PHLPP1: variants seen among roughly 807,000 people sequenced by gnomAD.
PHLPP1 encodes PH domain and leucine rich repeat protein phosphatase 1, also known as PH domain leucine-rich repeat-containing protein phosphatase 1.
Under a neutral mutation model 117.2 loss-of-function variants are expected in PHLPP1, and 42 were observed. The observed-to-expected ratio is 0.36, with a 90% CI of 0.28 to 0.46. The LOEUF (loss-of-function observed/expected upper bound fraction) is 0.46. Ranked by LOEUF, PHLPP1 falls within the 20% of genes least tolerant of loss-of-function variation. PHLPP1 has a pLI of 1.00. For synonymous variants in PHLPP1, 1,042 were observed against 970.7 expected (o/e 1.07, Z -1.37); for missense variants, 2,084 against 2,241.9 (o/e 0.93, Z 1.42).
chr18:62,827,415 G>A (rs1914639837), intron 1 of PHLPP1, among the ~76,000 whole-genome samples: 1 of 152,174 alleles, frequency 6.6e-6, no homozygotes, highest in Admixed American at 6.5e-5. Flanking sequence ...TTTGAGAATT[G>A]GCAGGAAGAG....
At chr18:62,777,947 C>T (rs1447411063) in intron 1 of PHLPP1, among the ~76,000 whole-genome samples, 1 of 152,140 alleles carries the variant, frequency 6.6e-6, no homozygotes, top group Non-Finnish European at 1.5e-5. Context: ...CGTGTTACTA[C>T]CCTGCTGAAA....
At chr18:62,784,520 C>G (rs1913219546) in intron 1 of PHLPP1, among the ~76,000 whole-genome samples, 1 of 152,146 alleles carries the variant, frequency 6.6e-6, no homozygotes, top group Non-Finnish European at 1.5e-5. Flanking sequence ...TAAGTTTGTT[C>G]CAGTGAAGGC....
chr18:62,952,631 T>A (rs1910495924), intron 12 of PHLPP1, among the ~76,000 whole-genome samples: 2 of 152,170 alleles, frequency 1.3e-5, no homozygotes, highest in Admixed American at 1.3e-4. Flanking sequence ...TATATACAAA[T>A]ATGATTTTTT....
intron 10 of PHLPP1, among the ~76,000 whole-genome samples, chr18:62,929,680 G>A (rs553892682): frequency 6.6e-6 from 1 of 152,330 alleles, no homozygotes; most frequent in Admixed American, 6.5e-5. Flanking sequence ...GGGAGTGGTG[G>A]CTCATGCGTG....
chr18:62,945,889 T>C (rs1352977650), intron 12 of PHLPP1, among the ~76,000 whole-genome samples: 2 of 152,260 alleles, frequency 1.3e-5, no homozygotes, highest in Admixed American at 1.3e-4. Context: ...AGAGGTAGTC[T>C]GCAAATCCTG....
intron 12 of PHLPP1, among the ~76,000 whole-genome samples, chr18:62,946,855 C>A (rs1012560741): frequency 6.6e-6 from 1 of 152,010 alleles, no homozygotes; most frequent in African/African-American, 2.4e-5. Context: ...AGATCGAGAC[C>A]ATCCTGGCTA....
At chr18:62,923,788 C>G (rs1909544663) in intron 10 of PHLPP1, among the ~76,000 whole-genome samples, 1 of 152,028 alleles carries the variant, frequency 6.6e-6, no homozygotes, top group Non-Finnish European at 1.5e-5. Flanking sequence ...AATGAATAAA[C>G]TAGTACTGAC....
intron 1 of PHLPP1, among the ~76,000 whole-genome samples, chr18:62,785,971 A>G (rs1409885663): frequency 1.3e-5 from 2 of 152,168 alleles, no homozygotes; most frequent in Non-Finnish European, 2.9e-5. Flanking sequence ...TCCTAAATAT[A>G]TCTCTTATCA....
intron 3 of PHLPP1, among the ~76,000 whole-genome samples, chr18:62,855,072 A>C: frequency 6.6e-6 from 1 of 152,150 alleles, no homozygotes; most frequent in Non-Finnish European, 1.5e-5. Flanking sequence ...TCTTTGAAAC[A>C]GGGGTAAGTT....
At chr18:62,963,147 A>T (rs565475041) in intron 13 of PHLPP1, among the ~76,000 whole-genome samples, 6 of 152,360 alleles carry the variant, frequency 3.9e-5, no homozygotes, top group Admixed American at 3.3e-4. Context: ...TACGATGCTC[A>T]TTAAAACTAA....
At chr18:62,805,825 G>T (rs1913933113) in intron 1 of PHLPP1, among the ~76,000 whole-genome samples, 1 of 151,702 alleles carries the variant, frequency 6.6e-6, no homozygotes, top group Non-Finnish European at 1.5e-5. Context: ...TCTAGGTATG[G>T]TGTGTGGCAG....
chr18:62,842,109 GAACT>G (rs757406513), intron 3 of PHLPP1, among the ~76,000 whole-genome samples: 28 of 152,230 alleles, frequency 1.8e-4, no homozygotes, highest in African/African-American at 3.9e-4. Flanking sequence ...TAAGTGAGTA[GAACT>G]AACTAACTCA....
At chr18:62,926,958 G>T (rs566814000) in intron 10 of PHLPP1, among the ~76,000 whole-genome samples, 1 of 152,182 alleles carries the variant, frequency 6.6e-6, no homozygotes, top group Non-Finnish European at 1.5e-5. Flanking sequence ...AGAAAAACTG[G>T]GGAAGAGAGA....
intron 1 of PHLPP1, among the ~76,000 whole-genome samples, chr18:62,802,535 G>A (rs979126197): frequency 5.3e-5 from 8 of 152,180 alleles, no homozygotes; most frequent in Admixed American, 5.2e-4. Flanking sequence ...GCAGGACATG[G>A]ACTTCAAAAT....
chr18:62,937,085 C>G (rs1384164856), intron 10 of PHLPP1, among the ~76,000 whole-genome samples: 1 of 152,104 alleles, frequency 6.6e-6, no homozygotes. Flanking sequence ...ATAGATAAAT[C>G]TGTTATGGTA....
At chr18:62,826,169 T>C in intron 1 of PHLPP1, 1 of 334,692 alleles carries the variant, frequency 3.0e-6, no homozygotes, top group South Asian at 2.4e-5. Context: ...TTTTTTTTTT[T>C]CTGGAGGTCC....
Position 62,715,717 on chromosome 18 carries a change from C to G in PHLPP1, c.34C>G (p.Leu12Val). The G allele has an allele frequency of 1.6e-6, 2 of 1,275,698 alleles. No individual in the cohort carries two copies. The highest frequency in any genetic ancestry group is 2.0e-6 in the Non-Finnish European group (2 of 1,007,538). 79.0% of individuals were successfully genotyped at this position (1,275,698 alleles called of 1,614,324 possible). ...CGCCGCCGCGGCCACGGTACAGCGA[C>G]TCCCCGAGCTCGGCAGGGAGGACCG... is the stretch of plus-strand genomic sequence containing the variant. Reference protein sequence around the residue: ...EPAAAATVQRLPELGREDRAS... With the variant: ...EPAAAATVQRVPELGREDRAS... Residue 12 changes from leucine to valine, a missense_variant, in exon 1 of 17, where the codon CTC becomes GTC. Around this residue, in one of 2 missense-constraint regions of PHLPP1, gnomAD observed 719 missense variants for 636.0 expected, o/e 1.13. Coordinates refer to ENST00000262719, the MANE Select transcript of PHLPP1 (RefSeq NM_194449.4).
In PHLPP1 at chr18:62,958,734, G is replaced by C; in HGVS notation, c.3430G>C (p.Asp1144His). 6.2e-7 allele frequency: 1 copy of C among 1,613,976 alleles called. No individual in the cohort carries two copies. The highest frequency in any genetic ancestry group is 8.5e-7 in the Non-Finnish European group (1 of 1,179,882). Residue 1144 changes from aspartate (D) to histidine (H), a missense_variant, in exon 13 of 17, where the codon GAT (aspartate) becomes CAT (histidine). Physicochemically the swap from Asp to His is moderately conservative, Grantham distance 81 (BLOSUM62 -1). Around this residue, in one of 2 missense-constraint regions of PHLPP1, gnomAD observed 1,365 missense variants for 1,605.9 expected, o/e 0.85. Transcript: ENST00000262719. ...GACTGGAAACCCGCGCCTTGTCCTT[G>C]ATCACAAAACCCTGGAACTACTGAA... Reference protein sequence around the residue: ...DLTGNPRLVLDHKTLELLNNI... With the variant: ...DLTGNPRLVLHHKTLELLNNI...
At chr18:62,755,947 G>A (rs969334999) in intron 1 of PHLPP1, among the ~76,000 whole-genome samples, 1 of 151,348 alleles carries the variant, frequency 6.6e-6, no homozygotes, top group Non-Finnish European at 1.5e-5. Flanking sequence ...TCTTGTTAAG[G>A]CAAAAAGAAA....
Sources: gnomAD v4.1 joint callset for allele counts (sites outside exome capture counted in the v4.1 genomes callset) on GRCh38, gnomAD v4.1.1 for gene constraint, gnomAD v4.1.1 regional missense constraint, MANE v1.5 for transcripts, NCBI Gene and HGNC (gene_info 2026-07-23, HGNC 2026-07-21) for gene names.